The following USP2 variants were observed in gnomAD, a reference collection of about 807,000 sequenced individuals.
The protein encoded by USP2 is ubiquitin carboxyl-terminal hydrolase 2.
Under a neutral mutation model 72.0 loss-of-function variants are expected in USP2, and 33 were observed. The observed-to-expected ratio is 0.46, with a 90% CI of 0.35 to 0.61. USP2 has a LOEUF of 0.61. Ranked by LOEUF, USP2 falls within the 20% of genes least tolerant of loss-of-function variation. USP2 has a pLI of 0.01. For missense variants in USP2, 691 were observed against 797.8 expected (o/e 0.87, Z 1.61); for synonymous variants, 296 against 312.5 (o/e 0.95, Z 0.56).
chr11:119,361,091 GA>G (rs1428042510), intron 2 of USP2, among the ~76,000 whole-genome samples: 2 of 152,206 alleles, frequency 1.3e-5, no homozygotes, highest in Non-Finnish European at 2.9e-5. Context: ...GAGACAGGTG[GA>G]ATTCCTTCCA....
intron 1 of USP2, chr11:119,376,364 G>C: frequency 1.0e-6 from 1 of 985,654 alleles, no homozygotes; most frequent in Non-Finnish European, 1.2e-6. Flanking sequence ...CACAGGAACA[G>C]CCTGAACTGA....
intron 2 of USP2, among the ~76,000 whole-genome samples, chr11:119,371,692 AT>A (rs1950928844): frequency 6.6e-6 from 1 of 152,116 alleles, no homozygotes; most frequent in African/African-American, 2.4e-5. Flanking sequence ...TTCAAAATGT[AT>A]TTGTCCTAGG....
intron 7 of USP2, 92 bp from the exon 8 acceptor site, chr11:119,358,344 T>A: frequency 4.8e-5 from 56 of 1,169,388 alleles, no homozygotes; most frequent in Non-Finnish European, 6.7e-5. Flanking sequence ...TGAGATGGAG[T>A]TTTGCTCTGT....
rs978440096 is a variant in USP2, at chr11:119,359,296, A to G, written c.996T>C (p.Asp332=). 1 of 1,614,044 alleles carries G rather than the reference A, an allele frequency of 6.2e-7. No homozygotes were observed. Among genetic ancestry groups the G allele is most frequent in the Non-Finnish European group, 8.5e-7 (1 of 1,180,016 alleles). The stretch of plus-strand genomic sequence containing the variant: ...TCTTGAACTCAGATGGGCTCACCAC[A>G]TCATTGGGGGATGAAGTCCATATGG... The part of the protein sequence containing the change: ...IQTIWTSSPN[D]VVSPSEFKTQ... The change falls in exon 5 of 13, where the codon GAT becomes GAC. Residue 332 remains aspartate (D), a synonymous_variant. Transcript: ENST00000260187.
At chr11:119,369,534 AG>A (rs781243128) in intron 2 of USP2, among the ~76,000 whole-genome samples, 12 of 151,882 alleles carry the variant, frequency 7.9e-5, no homozygotes, top group Admixed American at 2.0e-4. Flanking sequence ...GTTGGTGGGG[AG>A]GGGGCTTCCT....
intron 1 of USP2, among the ~76,000 whole-genome samples, chr11:119,378,138 A>C (rs1951023903): frequency 6.6e-6 from 1 of 152,126 alleles, no homozygotes. Flanking sequence ...TGCTAACAGC[A>C]TCAGAATGTG....
intron 2 of USP2, among the ~76,000 whole-genome samples, chr11:119,364,371 C>G (rs1950821518): frequency 6.6e-6 from 1 of 152,160 alleles, no homozygotes; most frequent in East Asian, 1.9e-4. Context: ...CCCGCGCTCC[C>G]CGGCGCCCCC....
At position 119,356,804 on chromosome 11, in the gene USP2, G is replaced by A. The variant is rs757812240; in HGVS notation, c.*31C>T. 9.8e-6 allele frequency: 15 copies of A among 1,531,300 alleles called. No homozygotes were observed. The highest frequency in any genetic ancestry group is 1.4e-5 in the African/African-American group (1 of 72,394). The allele number at this position is 1,531,300 out of a possible 1,614,324, so 94.9% of individuals were successfully genotyped here. ...AAAATTTAGGGAGCGGGGCCACCAC[G>A]GGGAAGGGAGAAGGGACGTGGCTCC... On this transcript the variant is annotated 3_prime_UTR_variant, in exon 13 of 13. Transcript: ENST00000260187.
At chr11:119,358,455 A>G (rs1249130641) in intron 7 of USP2, among the ~76,000 whole-genome samples, 1 of 152,136 alleles carries the variant, frequency 6.6e-6, no homozygotes, top group South Asian at 2.1e-4. Flanking sequence ...AGCTGGGATT[A>G]CAGGTGCCCA....
At chr11:119,369,746 A>G (rs7945115) in intron 2 of USP2, among the ~76,000 whole-genome samples, 21,126 of 152,146 alleles carry the variant, frequency 0.14, 1,836 homozygotes, top group Non-Finnish European at 0.2. Context: ...CCCAGCTGAT[A>G]GGTGTCCAAG....
intron 1 of USP2, chr11:119,376,291 G>C (rs1951000202): frequency 6.1e-6 from 6 of 985,576 alleles, no homozygotes; most frequent in Non-Finnish European, 6.0e-6. Flanking sequence ...GCCCTGGCCG[G>C]AGTCTCGCTG....
Position 119,355,750 on chromosome 11 carries a change from C to G in USP2, c.*1085G>C, listed in dbSNP as rs1426582333. On this transcript the variant is annotated 3_prime_UTR_variant, in exon 13 of 13. Coordinates refer to ENST00000260187, the MANE Select transcript of USP2 (RefSeq NM_004205.5). ...ATAAAAGGGAGAGAAGCTCTAGGGA[C>G]GAGGGGCTTGTGCTATCCTTCAAAC... 7.9e-5 allele frequency: 12 copies of G among 152,144 alleles called. No individual in the cohort carries two copies. The highest frequency in any genetic ancestry group is 7.2e-4 in the Admixed American group (11 of 15,254). The allele number at this position is 152,144 out of a possible 1,614,324, so 9.4% of individuals were successfully genotyped here.
intron 11 of USP2, 77 bp from the exon 12 acceptor site, chr11:119,357,384 T>A: frequency 2.5e-6 from 4 of 1,574,428 alleles, no homozygotes; most frequent in Non-Finnish European, 3.5e-6. Context: ...CTTCTGGGTC[T>A]CTCAGTAGCT....
At chr11:119,374,731 C>T (rs1950978095) in intron 1 of USP2, among the ~76,000 whole-genome samples, 2 of 152,064 alleles carry the variant, frequency 1.3e-5, no homozygotes, top group Non-Finnish European at 2.9e-5. Flanking sequence ...ACGCCTTTCC[C>T]CGAGGGCATC....
intron 1 of USP2, among the ~76,000 whole-genome samples, chr11:119,380,429 C>T (rs186825421): frequency 6.6e-6 from 1 of 152,186 alleles, no homozygotes; most frequent in African/African-American, 2.4e-5. Context: ...AATGCTTGGC[C>T]CCTCTGGGGT....
chr11:119,373,302 A>C lies in USP2; in HGVS notation c.179T>G (p.Leu60Arg). The C allele has an allele frequency of 6.2e-7, 1 of 1,613,762 alleles. No homozygotes were observed. The highest frequency in any genetic ancestry group is 8.5e-7 in the Non-Finnish European group (1 of 1,179,882). Residue 60 changes from leucine to arginine, a missense_variant, in exon 2 of 13, where the codon CTC becomes CGC. Leu to Arg is a moderately radical substitution (Grantham distance 102, BLOSUM62 -2). Coordinates refer to ENST00000260187, the MANE Select transcript of USP2 (RefSeq NM_004205.5). ...GFKPVPTSSF[L>R]TRPRTYGPSS... ...GGGGCCATAGGTACGGGGACGGGTG[A>C]GGAAGCTGCTGGTGGGGACCGGCTT... is the stretch of plus-strand genomic sequence containing the variant.
chr11:119,366,537 T>C (rs1950855011), intron 2 of USP2, among the ~76,000 whole-genome samples: 1 of 152,228 alleles, frequency 6.6e-6, no homozygotes, highest in African/African-American at 2.4e-5. Flanking sequence ...GTCCTATAAA[T>C]GGTCTTGTGT....
intron 2 of USP2, among the ~76,000 whole-genome samples, chr11:119,366,775 G>A (rs911803822): frequency 1.3e-5 from 2 of 152,196 alleles, no homozygotes; most frequent in African/African-American, 4.8e-5. Context: ...TGCCCAAGAG[G>A]TGCTCACCCA....
intron 3 of USP2, 35 bp from the exon 4 acceptor site, chr11:119,359,695 G>A (rs774723525): frequency 3.0e-5 from 49 of 1,607,696 alleles, no homozygotes; most frequent in African/African-American, 5.3e-5. Context: ...GTGGGGAGAC[G>A]AGAGTCCCAC....
Sources: gnomAD v4.1 joint callset for allele counts (sites outside exome capture counted in the v4.1 genomes callset) on GRCh38, gnomAD v4.1.1 for gene constraint, MANE v1.5 for transcripts, NCBI Gene and HGNC (gene_info 2026-07-23, HGNC 2026-07-21) for gene names.